Variants in UVSSA observed in about 807,000 individuals in gnomAD.
UVSSA encodes the protein UV stimulated scaffold protein A.
A neutral mutation model predicts 73.9 loss-of-function variants in UVSSA; 72 were observed. The ratio of observed to expected loss-of-function variants is 0.97; its 90% CI spans 0.81 to 1.19. The LOEUF (loss-of-function observed/expected upper bound fraction) is 1.19. Among genes scored for constraint, UVSSA ranks in the 50% most tolerant of loss-of-function variants. The pLI, the probability that UVSSA is intolerant of heterozygous loss-of-function variation, is 0.00. For synonymous variants in UVSSA, 454 were observed against 391.3 expected (o/e 1.16, Z -1.89); for missense variants, 1,150 against 965.0 (o/e 1.19, Z -2.54).
chr4:1,395,674 C>A (rs746652550), exon 14 of UVSSA: 1 of 1,611,340 alleles, frequency 6.2e-7, no homozygotes, highest in Non-Finnish European at 8.5e-7. Context: ...TGCTCACACA[C>A]GTGCCCATGT....
chr4:1,362,217 G>A (rs1398350049), intron 7 of UVSSA, among the ~76,000 whole-genome samples: 1 of 152,250 alleles, frequency 6.6e-6, no homozygotes, highest in Non-Finnish European at 1.5e-5. Context: ...AGAGGCCGGA[G>A]TGCTCCTGCC....
intron 4 of UVSSA, 34 bp downstream of exon 4, chr4:1,351,869 C>T (rs752314455): frequency 1.2e-6 from 2 of 1,607,224 alleles, no homozygotes; most frequent in African/African-American, 2.7e-5. Flanking sequence ...GGGCCCACGC[C>T]TCTGAGGGTT....
At chr4:1,363,570 G>T (rs13121833) in intron 7 of UVSSA, among the ~76,000 whole-genome samples, 1 of 152,062 alleles carries the variant, frequency 6.6e-6, no homozygotes, top group Non-Finnish European at 1.5e-5. Context: ...CATAAATTCT[G>T]TTTAGTGTGT....
intron 7 of UVSSA, among the ~76,000 whole-genome samples, chr4:1,362,691 A>G (rs114539296): frequency 0.041 from 6,252 of 152,106 alleles, 264 homozygotes; most frequent in East Asian, 0.2. Flanking sequence ...CCTCACCTTG[A>G]GGGCGGGTGG....
chr4:1,361,676 C>T (rs1380205715), intron 7 of UVSSA, among the ~76,000 whole-genome samples: 1 of 152,254 alleles, frequency 6.6e-6, no homozygotes, highest in African/African-American at 2.4e-5. Context: ...GGGCAATTTG[C>T]ACGGCCTTCC....
At chr4:1,343,301 C>G (rs577004274), upstream of UVSSA, among the ~76,000 whole-genome samples, 2 of 152,070 alleles carry the variant, frequency 1.3e-5, no homozygotes, top group Non-Finnish European at 2.9e-5. Flanking sequence ...CTTCATCTTA[C>G]GAGGACATCA....
intron 2 of UVSSA, among the ~76,000 whole-genome samples, chr4:1,348,813 G>A (rs565363701): frequency 6.6e-6 from 1 of 152,376 alleles, no homozygotes; most frequent in South Asian, 2.1e-4. Flanking sequence ...CCTGCGCCAG[G>A]AAATCGAATT....
Position 1,386,096 on chromosome 4 carries a change from G to A in UVSSA, c.*135G>A, listed in dbSNP as rs1313959985. On this transcript the variant is annotated 3_prime_UTR_variant, in exon 14 of 14. Coordinates refer to ENST00000389851, the MANE Select transcript of UVSSA (RefSeq NM_020894.4). ...GTTTGATGTAAAGAAATGGTGTGTT[G>A]CAATGCCCTGAAGGTACGGCCGCTC... The A allele has an allele frequency of 3.2e-6, 3 of 940,442 alleles. No individual in the cohort carries two copies. The highest frequency in any genetic ancestry group is 4.9e-6 in the Non-Finnish European group (3 of 609,332). 58.3% of individuals were successfully genotyped at this position (940,442 alleles called of 1,614,324 possible).
At chr4:1,354,400 G>A in intron 5 of UVSSA, 1 of 339,932 alleles carries the variant, frequency 2.9e-6, no homozygotes, top group Non-Finnish European at 5.7e-6. Context: ...GCTGTGGAGG[G>A]GAAGGTTCTG....
Position 1,380,238 on chromosome 4 carries a change from C to T in UVSSA, c.1752+8C>T, listed in dbSNP as rs765878179. On this transcript the variant is annotated splice_region_variant and intron_variant, in intron 11 of 13. Coordinates refer to ENST00000389851, the MANE Select transcript of UVSSA (RefSeq NM_020894.4). ...CGCCAAGACCGGCTGAAGGTGAGGC[C>T]GTGGCCCGAGGGCGGGGGTGGGTGT... 61 of 1,606,134 alleles carry T rather than the reference C, an allele frequency of 3.8e-5. No individual in the cohort carries two copies. The highest frequency in any genetic ancestry group is 5.0e-5 in the Admixed American group (3 of 59,764).
chr4:1,350,600 A>G (rs771764602), intron 3 of UVSSA, among the ~76,000 whole-genome samples: 1 of 152,174 alleles, frequency 6.6e-6, no homozygotes, highest in Non-Finnish European at 1.5e-5. Flanking sequence ...TCCCGGGCTC[A>G]GACAGCAGAG....
chr4:1,351,129 G>A (rs1402682353), intron 3 of UVSSA, among the ~76,000 whole-genome samples: 3 of 151,892 alleles, frequency 2.0e-5, no homozygotes, highest in South Asian at 2.1e-4. Flanking sequence ...GCAGTGGTGC[G>A]ATCTCAGCTC....
exon 14 of UVSSA, chr4:1,394,425 TCTA>T (rs1720472267): frequency 6.3e-7 from 1 of 1,588,864 alleles, no homozygotes; most frequent in African/African-American, 1.3e-5. Flanking sequence ...AAATCATTGA[TCTA>T]CTTCTAGTTT....
intron 10 of UVSSA, among the ~76,000 whole-genome samples, chr4:1,376,647 C>T (rs985472315): frequency 2.0e-5 from 3 of 152,222 alleles, no homozygotes; most frequent in African/African-American, 7.2e-5. Flanking sequence ...CACCCCTCAC[C>T]GCACTGGCCT....
chr4:1,360,495 G>A (rs1322690643), intron 7 of UVSSA, among the ~76,000 whole-genome samples: 3 of 152,038 alleles, frequency 2.0e-5, no homozygotes, highest in Non-Finnish European at 4.4e-5. Flanking sequence ...TGTAGGCCCC[G>A]GCCTCCTTGT....
chr4:1,385,756 C>T (rs910309606), intron 13 of UVSSA, 112 bp from the exon 14 acceptor site: 4 of 1,095,190 alleles, frequency 3.7e-6, no homozygotes, highest in African/African-American at 1.5e-5. Flanking sequence ...TGTCAGTGTC[C>T]GAGGGCAGCA....
Position 1,349,912 on chromosome 4 carries a change from C to T in UVSSA, c.429+58C>T, listed in dbSNP as rs937712661. On this transcript the variant is annotated intron_variant, in intron 3 of 13. Coordinates refer to ENST00000389851, the MANE Select transcript of UVSSA (RefSeq NM_020894.4). ...GGTTACCTGACGTGAGGAGGGCAGA[C>T]GATACCAGGGTGAAGATGCGCCTCC... is the stretch of plus-strand genomic sequence containing the variant. 64 of 1,421,108 alleles carry T rather than the reference C, an allele frequency of 4.5e-5. No individual in the cohort carries two copies. The Admixed American group carries it at 7.9e-4, about 18-fold the overall frequency. 88.0% of individuals were successfully genotyped at this position (1,421,108 alleles called of 1,614,324 possible). A position where few individuals can be genotyped will look rare whatever the true frequency, so the allele number is the denominator to read the frequency against.
rs548572482 is a variant in UVSSA at position 1,353,014 on chromosome 4, C to G, written c.551-16C>G. ...TCCACATAGCGCAGCAAACAGGTGT[C>G]TTGATCTTCCGGCAGAAATGTCTGG... On this transcript the variant is annotated splice_polypyrimidine_tract_variant and intron_variant, in intron 4 of 13. Transcript: ENST00000389851. 1.1e-5 allele frequency: 17 copies of G among 1,598,254 alleles called. No individual in the cohort carries two copies. The South Asian group carries it at 1.7e-4, about 16-fold the overall frequency.
At position 1,375,464 on chromosome 4, in the gene UVSSA, G is replaced by A; in HGVS notation, c.1389G>A (p.Gln463=). The change falls in exon 9 of 14, where the codon CAG becomes CAA. Residue 463 remains glutamine, a synonymous_variant. Transcript: ENST00000389851. ...CGGACCCCACCTCTGCGGCTGCTCAGCTGCGGCAGCTCCGGGACCACTTGC... is the reference window on the plus strand; with the variant it reads ...CGGACCCCACCTCTGCGGCTGCTCAACTGCGGCAGCTCCGGGACCACTTGC... ...EVSDPTSAAA[Q]LRQLRDHLPP... 1 of 1,612,646 alleles carries A rather than the reference G, an allele frequency of 6.2e-7. No individual in the cohort carries two copies. The highest frequency in any genetic ancestry group is 8.5e-7 in the Non-Finnish European group (1 of 1,179,976).
Sources: gnomAD v4.1 joint callset for allele counts (sites outside exome capture counted in the v4.1 genomes callset) on GRCh38, gnomAD v4.1.1 for gene constraint, MANE v1.5 for transcripts, NCBI Gene and HGNC (gene_info 2026-07-23, HGNC 2026-07-21) for gene names.